The following AAR2 variants were observed in gnomAD, a reference collection of about 807,000 sequenced individuals.
AAR2 encodes the protein AAR2 splicing factor, also known as protein AAR2 homolog.
Under a neutral mutation model 26.9 loss-of-function variants are expected in AAR2, and 31 were observed. The ratio of observed to expected loss-of-function variants is 1.15; its 90% CI spans 0.86 to 1.55. AAR2 has a LOEUF of 1.55. Ranked by LOEUF, AAR2 falls within the 40% of genes most tolerant of loss-of-function variation. The pLI, the probability that AAR2 is intolerant of heterozygous loss-of-function variation, is 0.00. For missense variants in AAR2, 430 were observed against 491.3 expected (o/e 0.88, Z 1.18); for synonymous variants, 188 against 196.1 (o/e 0.96, Z 0.34).
Position 36,255,680 on chromosome 20 carries a change from GC to G in AAR2, c.1091del (p.Ala364ValfsTer100), listed in dbSNP as rs760477324. The G allele has an allele frequency of 1.6e-5, 26 of 1,614,182 alleles. No homozygotes were observed. Among genetic ancestry groups the G allele is most frequent in the Non-Finnish European group, 2.1e-5 (25 of 1,180,036 alleles). ...GACCAAGAAGTTCCGGTGGGACTTT[GC>G]TGCGGAACCTGAGGACTGTGCCCCG... The part of the protein sequence containing the change: ...HLTKKFRWDF[A>X]AEPEDCAPVV... On this transcript the variant is annotated frameshift_variant, in exon 4 of 4. Transcript: ENST00000320849. LOFTEE classifies it high-confidence loss of function.
chr20:36,247,499 A>T (rs908094069), intron 3 of AAR2, among the ~76,000 whole-genome samples: 1 of 150,938 alleles, frequency 6.6e-6, no homozygotes, highest in Non-Finnish European at 1.5e-5. Context: ...TCCCCCATCA[A>T]CTCCAGCAAC....
chr20:36,239,830 A>G lies in AAR2; in HGVS notation c.-39A>G. ...TTTCTTTCTTTCTCAGCTGTTCATCAAAGAAAAAGGGTTCTTTTGGTCACC... is the reference window on the plus strand; with the variant it reads ...TTTCTTTCTTTCTCAGCTGTTCATCGAAGAAAAAGGGTTCTTTTGGTCACC... On this transcript the variant is annotated 5_prime_UTR_variant, in exon 2 of 4. Transcript: ENST00000320849. The G allele has an allele frequency of 1.3e-6, 2 of 1,519,964 alleles. No individual in the cohort carries two copies. The highest frequency in any genetic ancestry group is 1.8e-6 in the Non-Finnish European group (2 of 1,133,986). The allele number at this position is 1,519,964 out of a possible 1,614,324, so 94.2% of individuals were successfully genotyped here.
chr20:36,252,492 G>A (rs527840902), intron 3 of AAR2, among the ~76,000 whole-genome samples: 2 of 152,294 alleles, frequency 1.3e-5, no homozygotes, highest in African/African-American at 4.8e-5. Flanking sequence ...GAACGCAGAG[G>A]AGCACCTACT....
chr20:36,244,885 G>C lies in AAR2; in HGVS notation c.946G>C (p.Asp316His), dbSNP rs1481354955. ...LGEIPADFFV[D>H]IVSQDNFLTS... ...TGAGATCCCCGCTGACTTCTTCGTA[G>C]ACATTGTCTCCCAAGACAACTTCCT... The change falls in exon 3 of 4, where the codon GAC (aspartate) becomes CAC (histidine). Residue 316 changes from aspartate (D) to histidine (H), a missense_variant. Transcript: ENST00000320849. 4 of 1,614,026 alleles carry C rather than the reference G, an allele frequency of 2.5e-6. No homozygotes were observed. In the African/African-American group the frequency reaches 4.0e-5, roughly 16 times the overall value.
chr20:36,241,708 A>G (rs1384317374), intron 2 of AAR2, among the ~76,000 whole-genome samples: 2 of 152,198 alleles, frequency 1.3e-5, no homozygotes, highest in Non-Finnish European at 2.9e-5. Context: ...ACTTGAACCC[A>G]GGAGGCAGAG....
intron 3 of AAR2, among the ~76,000 whole-genome samples, chr20:36,248,411 C>T: frequency 6.6e-6 from 1 of 151,440 alleles, no homozygotes; most frequent in Non-Finnish European, 1.5e-5. Flanking sequence ...TCTCGGCTCA[C>T]TGCAACCTCT....
chr20:36,239,951 AG>A lies in AAR2; in HGVS notation c.86del (p.Gly29GlufsTer20). The A allele has an allele frequency of 6.2e-7, 1 of 1,614,140 alleles. No individual in the cohort carries two copies. ...ACTGTGGTCATCCTGAACATGCCCA[AG>A]GGAACAGAGTTTGGGATTGACTATA... ...GATVVILNMPKGTEFGIDYNS... is the reference protein window; with the variant it reads ...GATVVILNMPXGTEFGIDYNS... On this transcript the variant is annotated frameshift_variant, in exon 2 of 4. Coordinates refer to ENST00000320849, the MANE Select transcript of AAR2 (RefSeq NM_001271874.2). LOFTEE classifies it high-confidence loss of function.
intron 1 of AAR2, among the ~76,000 whole-genome samples, chr20:36,237,784 T>TATA (rs1165720187): frequency 1.4e-5 from 2 of 142,300 alleles, no homozygotes; most frequent in Non-Finnish European, 3.0e-5. Context: ...TTATTATTAT[T>TATA]ATTATTATTA....
intron 3 of AAR2, among the ~76,000 whole-genome samples, chr20:36,247,416 T>TAA (rs1413233420): frequency 6.6e-6 from 1 of 152,176 alleles, no homozygotes; most frequent in Non-Finnish European, 1.5e-5. Context: ...ATTAAAAGCC[T>TAA]AAACATTGGT....
chr20:36,238,915 G>A (rs2064647418), intron 1 of AAR2, among the ~76,000 whole-genome samples: 1 of 152,110 alleles, frequency 6.6e-6, no homozygotes, highest in African/African-American at 2.4e-5. Flanking sequence ...CACAATGCAG[G>A]CACTCAGTGA....
chr20:36,241,705 C>T (rs928175991), intron 2 of AAR2, among the ~76,000 whole-genome samples: 1 of 152,176 alleles, frequency 6.6e-6, no homozygotes, highest in East Asian at 1.9e-4. Flanking sequence ...ATCACTTGAA[C>T]CCAGGAGGCA....
rs111591742 is a variant in AAR2 at position 36,240,010 on chromosome 20, G to T, written c.142G>T (p.Val48Leu). 3.6e-3 allele frequency: 5,747 copies of T among 1,614,232 alleles called. 39 individuals carry two copies. Among genetic ancestry groups the T allele is most frequent in the Non-Finnish European group, 3.3e-3 (3,949 of 1,180,044 alleles). ...GGAGGTCGGGCCCAAGTTCCGGGGC[G>T]TGAAGATGATCCCTCCAGGCATCCA... ...SWEVGPKFRG[V>L]KMIPPGIHFL... The change falls in exon 2 of 4, where the codon GTG becomes TTG. Residue 48 changes from valine (V) to leucine (L), a missense_variant. Physicochemically the swap from Val to Leu is conservative, Grantham distance 32 (BLOSUM62 1). Coordinates refer to ENST00000320849, the MANE Select transcript of AAR2 (RefSeq NM_001271874.2).
At chr20:36,241,817 G>T (rs185334138) in intron 2 of AAR2, among the ~76,000 whole-genome samples, 1 of 152,098 alleles carries the variant, frequency 6.6e-6, no homozygotes, top group Non-Finnish European at 1.5e-5. Context: ...ACATTCTCGT[G>T]TGTACTTACA....
chr20:36,254,042 A>G (rs1192199883), intron 3 of AAR2, among the ~76,000 whole-genome samples: 2 of 152,234 alleles, frequency 1.3e-5, no homozygotes, highest in Admixed American at 6.5e-5. Flanking sequence ...GCAGTTCATC[A>G]GAATTTAAAC....
chr20:36,243,906 A>G (rs1455338650), intron 2 of AAR2, among the ~76,000 whole-genome samples: 1 of 152,234 alleles, frequency 6.6e-6, no homozygotes, highest in Non-Finnish European at 1.5e-5. Flanking sequence ...GCTCTTAGCC[A>G]CCAAGCTGCT....
chr20:36,245,467 C>G (rs1040868211), intron 3 of AAR2, among the ~76,000 whole-genome samples: 3 of 152,222 alleles, frequency 2.0e-5, no homozygotes, highest in Non-Finnish European at 4.4e-5. Flanking sequence ...AAACAACTTA[C>G]AATCTTCATC....
At position 36,240,423 on chromosome 20, in the gene AAR2, C is replaced by T; in HGVS notation, c.555C>T (p.Cys185=). 1 of 1,614,232 alleles carries T rather than the reference C, an allele frequency of 6.2e-7. No individual in the cohort carries two copies. The highest frequency in any genetic ancestry group is 1.1e-5 in the South Asian group (1 of 91,084). The change falls in exon 2 of 4, where the codon TGC becomes TGT. Residue 185 remains cysteine (C), a synonymous_variant. Transcript: ENST00000320849. ...ATCTACCCCGCTGTGGCATTGAGTG[C>T]AAAAGCTACCAAGAGGGCCTGGCCC... ...GQNLPRCGIE[C]KSYQEGLARL...
chr20:36,241,303 A>G (rs1403176234), intron 2 of AAR2, among the ~76,000 whole-genome samples: 2 of 152,106 alleles, frequency 1.3e-5, no homozygotes, highest in East Asian at 1.9e-4. Context: ...AAAATTCAGT[A>G]TATGTGTCTG....
Position 36,240,086 on chromosome 20 carries a change from C to T in AAR2, c.218C>T (p.Pro73Leu), listed in dbSNP as rs1312025009. The change falls in exon 2 of 4, where the codon CCT (proline) becomes CTT (leucine). Residue 73 changes from proline to leucine, a missense_variant. Physicochemically the swap from Pro to Leu is moderately conservative, Grantham distance 98. Coordinates refer to ENST00000320849, the MANE Select transcript of AAR2 (RefSeq NM_001271874.2). ...VDKANPKEVG[P>L]RMGFFLSLHQ... ...AAGGCTAATCCGAAGGAAGTAGGCC[C>T]TCGTATGGGTTTCTTCCTTAGCCTG... The T allele has an allele frequency of 6.2e-7, 1 of 1,614,218 alleles. No homozygotes were observed.
Sources: allele counts gnomAD v4.1 joint callset (sites outside exome capture counted in the v4.1 genomes callset), GRCh38; gene constraint gnomAD v4.1.1; transcripts MANE v1.5; gene names NCBI Gene and HGNC (gene_info 2026-07-23, HGNC 2026-07-21).